The following EHHADH variants were observed in gnomAD, a reference collection of about 807,000 sequenced individuals.
EHHADH encodes the protein peroxisomal bifunctional enzyme.
EHHADH carries 48 observed loss-of-function variants against 64.4 expected under a neutral mutation model. The observed-to-expected ratio is 0.75, with a 90% CI of 0.59 to 0.95. EHHADH has a LOEUF of 0.95. EHHADH is among the 40% of genes least tolerant of loss of function. The pLI is 0.00. For synonymous variants in EHHADH, 308 were observed against 326.7 expected (o/e 0.94, Z 0.62); for missense variants, 854 against 876.6 (o/e 0.97, Z 0.33).
chr3:185,232,911 A>C (rs1719174600), intron 3 of EHHADH, among the ~76,000 whole-genome samples: 1 of 152,210 alleles, frequency 6.6e-6, no homozygotes, highest in Non-Finnish European at 1.5e-5. Context: ...ATGAAGGCAA[A>C]ATTAACACAT....
In EHHADH at chr3:185,216,963, C is replaced by T. The variant is rs967424852; in HGVS notation, c.568+1173G>A. ...GCCACTGAAAGAACTCTGAAAGGAA[C>T]ATCCCGAGTCCATAAAGTAAGAAAC... On this transcript the variant is annotated intron_variant, in intron 5 of 6. Transcript: ENST00000231887. This position sits in a 1 kb window ranked among gnomAD's most constrained non-coding sequence, Gnocchi z 5.3. 6.6e-6 allele frequency among the ~76,000 whole-genome samples: 1 copy of T among 152,218 alleles called. No homozygotes were observed. The highest frequency in any genetic ancestry group is 1.5e-5 in the Non-Finnish European group (1 of 68,048).
At chr3:185,218,589 T>C (rs1434726818) in intron 4 of EHHADH, among the ~76,000 whole-genome samples, 2 of 152,190 alleles carry the variant, frequency 1.3e-5, no homozygotes, top group East Asian at 1.9e-4. Context: ...TAAATCTCTA[T>C]AGAAGTACTT....
Position 185,192,645 on chromosome 3 carries a change from G to T in EHHADH, c.1753C>A (p.Pro585Thr). 3.1e-6 allele frequency: 5 copies of T among 1,614,138 alleles called. No homozygotes were observed. Among genetic ancestry groups the T allele is most frequent in the Non-Finnish European group, 4.2e-6 (5 of 1,180,028 alleles). The change falls in exon 7 of 7, where the codon CCA (proline) becomes ACA (threonine). Residue 585 changes from proline (P) to threonine (T), a missense_variant. Pro to Thr is a conservative substitution (Grantham distance 38, BLOSUM62 -1). Transcript: ENST00000231887. ...TCAGGTTTGTGAATCCTACCCAATG[G>T]CTTGTCATATTGATACCAACCCTTA... The part of the protein sequence containing the change: ...TGKGWYQYDK[P>T]LGRIHKPDPW...
chr3:185,217,703 C>T (rs1718722376), intron 5 of EHHADH, among the ~76,000 whole-genome samples: 2 of 151,956 alleles, frequency 1.3e-5, no homozygotes, highest in South Asian at 4.2e-4. Flanking sequence ...CTTGTACAAC[C>T]TGCGGAACTG....
intron 6 of EHHADH, among the ~76,000 whole-genome samples, chr3:185,196,898 A>C (rs1339631009): frequency 6.6e-6 from 1 of 151,582 alleles, no homozygotes; most frequent in African/African-American, 2.4e-5. Context: ...GCTCCTCAGG[A>C]GGCTGAGGTG....
intron 1 of EHHADH, among the ~76,000 whole-genome samples, chr3:185,251,065 T>C (rs762375066): frequency 6.6e-6 from 1 of 152,220 alleles, no homozygotes; most frequent in African/African-American, 2.4e-5. Context: ...GAGAGAGTCA[T>C]AGCAATGTAA....
At chr3:185,208,250 C>T (rs1005960925) in intron 5 of EHHADH, among the ~76,000 whole-genome samples, 3 of 152,174 alleles carry the variant, frequency 2.0e-5, no homozygotes, top group Non-Finnish European at 2.9e-5. Context: ...AGTACAACAG[C>T]CCATACGGAA....
chr3:185,246,004 A>G (rs1273859900), intron 2 of EHHADH: 8 of 1,432,432 alleles, frequency 5.6e-6, no homozygotes, highest in South Asian at 3.4e-5. Context: ...TGCTATCTTC[A>G]TCTTCTAGAG....
chr3:185,221,577 C>CTTTTTTTTT (rs10663266), intron 4 of EHHADH, among the ~76,000 whole-genome samples: 1 of 130,748 alleles, frequency 7.6e-6, no homozygotes, highest in Non-Finnish European at 1.6e-5. Flanking sequence ...ATTTTTTTTT[C>CTTTTTTTTT]TTTTTTTTTT....
rs1717936186 is a variant in EHHADH, at chr3:185,192,763, A to T, written c.1635T>A (p.Leu545=). 6.2e-7 allele frequency: 1 copy of T among 1,613,946 alleles called. No individual in the cohort carries two copies. The highest frequency in any genetic ancestry group is 8.5e-7 in the Non-Finnish European group (1 of 1,180,022). The change falls in exon 7 of 7, where the codon CTT becomes CTA. Residue 545 remains leucine, a synonymous_variant. Transcript: ENST00000231887. ...KGQGLTGPTL[L]PGTPARKRGN... ...CCCTTTTTCGGGCAGGAGTTCCTGG[A>T]AGCAATGTAGGTCCAGTAAGACCTT...
intron 4 of EHHADH, among the ~76,000 whole-genome samples, chr3:185,224,846 C>T (rs932650680): frequency 1.3e-5 from 2 of 152,188 alleles, no homozygotes; most frequent in African/African-American, 4.8e-5. Context: ...CCTTCTGCTT[C>T]CCTCTTATAA....
intron 5 of EHHADH, among the ~76,000 whole-genome samples, chr3:185,214,487 C>A (rs1386443645): frequency 6.6e-6 from 1 of 152,144 alleles, no homozygotes; most frequent in Non-Finnish European, 1.5e-5. Flanking sequence ...CCAAAGTCAT[C>A]CATTTTTTTG....
chr3:185,233,835 G>A (rs188085657), intron 3 of EHHADH, among the ~76,000 whole-genome samples: 8 of 152,194 alleles, frequency 5.3e-5, no homozygotes, highest in African/African-American at 1.4e-4. Flanking sequence ...TAGTAGAGAC[G>A]GGGTTTCATC....
intron 2 of EHHADH, among the ~76,000 whole-genome samples, chr3:185,247,010 A>G (rs1019422145): frequency 3.9e-5 from 6 of 152,274 alleles, no homozygotes; most frequent in South Asian, 4.2e-4. Flanking sequence ...TTGGAAATTA[A>G]CTTCCAAACA....
intron 3 of EHHADH, among the ~76,000 whole-genome samples, chr3:185,233,397 T>C (rs1719193419): frequency 6.6e-6 from 1 of 152,274 alleles, no homozygotes; most frequent in African/African-American, 2.4e-5. Flanking sequence ...TACAAGGGTA[T>C]ACTTTTACAT....
At chr3:185,195,934 A>T (rs532905045) in intron 6 of EHHADH, among the ~76,000 whole-genome samples, 6 of 152,330 alleles carry the variant, frequency 3.9e-5, no homozygotes, top group East Asian at 3.9e-4. Flanking sequence ...AAATAAAATT[A>T]AAAAAATAAT....
chr3:185,218,821 G>C (rs902660418), intron 4 of EHHADH, among the ~76,000 whole-genome samples: 1 of 151,856 alleles, frequency 6.6e-6, no homozygotes, highest in Admixed American at 6.6e-5. Context: ...TCAGGAGTTC[G>C]AGACCAGCCT....
chr3:185,229,596 G>T, intron 3 of EHHADH, 53 bp from the exon 4 acceptor site: 1 of 1,151,764 alleles, frequency 8.7e-7, no homozygotes, highest in Non-Finnish European at 1.2e-6. Context: ...TATGTTCAGA[G>T]TTAAGGCAAG....
At chr3:185,214,996 T>C (rs1577362019) in intron 5 of EHHADH, among the ~76,000 whole-genome samples, 2 of 152,168 alleles carry the variant, frequency 1.3e-5, no homozygotes, top group African/African-American at 4.8e-5. Flanking sequence ...CCAGCTGCCT[T>C]CTAGACAGGA....
Sources: allele counts gnomAD v4.1 joint callset (sites outside exome capture counted in the v4.1 genomes callset), GRCh38; gene constraint gnomAD v4.1.1; non-coding constraint Gnocchi (gnomAD v3.1); transcripts MANE v1.5; gene names NCBI Gene and HGNC (gene_info 2026-07-23, HGNC 2026-07-21).